Variants in C15orf39 observed in about 807,000 individuals in gnomAD.
The protein encoded by C15orf39 is PRMT2 interacting protein.
In C15orf39, 24 loss-of-function variants were observed where a neutral mutation model predicts 53.9. The observed-to-expected ratio is 0.45, with a 90% CI of 0.32 to 0.63. C15orf39 has a LOEUF of 0.63. C15orf39 is among the 20% of genes least tolerant of loss of function. The probability of loss-of-function intolerance (pLI) is 0.04; values close to 1 mark genes in which losing one functional copy is unlikely to be tolerated. For missense variants in C15orf39, 1,271 were observed against 1,347.9 expected (o/e 0.94, Z 0.89); for synonymous variants, 569 against 576.5 (o/e 0.99, Z 0.19).
chr15:75,208,724 C>T lies in C15orf39; in HGVS notation c.2676C>T (p.Cys892=). Residue 892 remains cysteine, a synonymous_variant, in exon 2 of 3, where the codon TGC becomes TGT. Coordinates refer to ENST00000394987, the MANE Select transcript of C15orf39 (RefSeq NM_015492.5). ...RALRELALPG[C]TSRMLKLLAL... Reference sequence around the variant, plus strand: ...TGCGGGAGCTCGCCCTGCCAGGCTGCACCTCACGCATGCTGAAGTTACTGG... The same window carrying T: ...TGCGGGAGCTCGCCCTGCCAGGCTGTACCTCACGCATGCTGAAGTTACTGG... 6.2e-7 allele frequency: 1 copy of T among 1,607,358 alleles called. No homozygotes were observed. The highest frequency in any genetic ancestry group is 8.5e-7 in the Non-Finnish European group (1 of 1,179,758).
chr15:75,200,034 T>G (rs570147639), upstream of C15orf39, among the ~76,000 whole-genome samples: 22 of 152,304 alleles, frequency 1.4e-4, no homozygotes, highest in East Asian at 4.0e-3. Flanking sequence ...GGGGACACTC[T>G]ATGAGCTTCC....
rs1308941373 is a variant in C15orf39, at chr15:75,206,666, C to T, written c.618C>T (p.Ser206=). 6.8e-6 allele frequency: 11 copies of T among 1,613,738 alleles called. No individual in the cohort carries two copies. Among genetic ancestry groups the T allele is most frequent in the Non-Finnish European group, 9.3e-6 (11 of 1,179,968 alleles). Residue 206 remains serine, a synonymous_variant, in exon 2 of 3, where the codon AGC becomes AGT. Transcript: ENST00000394987. ...GGTCCAGTAAAGACTCCTCAGGGAG[C>T]TTCTCCCCATGCCAGCCCTTCCTGG... ...AEGSSKDSSG[S]FSPCQPFLEK... is the part of the protein sequence containing the mutation.
rs1455048667 is a variant in C15orf39, at chr15:75,207,438, A to G, written c.1390A>G (p.Ile464Val). The G allele has an allele frequency of 3.1e-6, 5 of 1,613,316 alleles. No individual in the cohort carries two copies. The highest frequency in any genetic ancestry group is 4.2e-6 in the Non-Finnish European group (5 of 1,179,984). Residue 464 changes from isoleucine (I) to valine (V), a missense_variant, in exon 2 of 3, where the codon ATC (isoleucine) becomes GTC (valine). This residue lies in a region of C15orf39 where 994 missense variants were observed against 993.7 expected (regional missense o/e 1.00). Transcript: ENST00000394987. ...LSEHSGPPIV[I>V]RDSPVPCTPP... is the part of the protein sequence containing the mutation. The stretch of plus-strand genomic sequence containing the variant: ...TGAGCACTCTGGGCCGCCCATCGTC[A>G]TCCGAGACAGTCCAGTTCCCTGTAC...
chr15:75,210,648 A>G lies in C15orf39; in HGVS notation c.2777-101A>G, dbSNP rs562259493. 1.2e-5 allele frequency: 17 copies of G among 1,476,028 alleles called. No individual in the cohort carries two copies. In the East Asian group the frequency reaches 3.4e-4, roughly 30 times the overall value. The allele number at this position is 1,476,028 out of a possible 1,614,324, so 91.4% of individuals were successfully genotyped here. On this transcript the variant is annotated intron_variant, in intron 2 of 2. Coordinates refer to ENST00000394987, the MANE Select transcript of C15orf39 (RefSeq NM_015492.5). ...GGGGAAGAGTTGTGATGCCAGCCTG[A>G]CTTGGGGCAGAGCAGAAGCACTGTT... is the stretch of plus-strand genomic sequence containing the variant.
intron 2 of C15orf39, 26 bp from the exon 3 acceptor site, chr15:75,210,723 A>C: frequency 1.3e-6 from 2 of 1,580,870 alleles, no homozygotes; most frequent in Non-Finnish European, 8.6e-7. Context: ...TGGGGTCTGC[A>C]GGCTGACTAT....
intron 2 of C15orf39, chr15:75,209,486 T>C (rs1046957863): frequency 5.9e-5 from 9 of 152,266 alleles, no homozygotes; most frequent in African/African-American, 2.2e-4. Context: ...AGTCGCATTG[T>C]TTTGTGGTTT....
chr15:75,210,291 G>C (rs1301671162), intron 2 of C15orf39, among the ~76,000 whole-genome samples: 1 of 152,198 alleles, frequency 6.6e-6, no homozygotes, highest in African/African-American at 2.4e-5. Context: ...CCTTTGTTGT[G>C]GGTGGGTTCC....
In C15orf39 at chr15:75,206,055, G is replaced by A. The variant is rs746407054; in HGVS notation, c.7G>A (p.Glu3Lys). Residue 3 changes from glutamate (E) to lysine (K), a missense_variant, in exon 2 of 3, where the codon GAG becomes AAG. By Grantham distance (56) the Glu-to-Lys change is moderately conservative. This residue lies in a region of C15orf39 where 994 missense variants were observed against 993.7 expected (regional missense o/e 1.00). Transcript: ENST00000394987. ...GCTCGAAGCCTTCACAGCGATGGCA[G>A]AGAAGCGACCCCTGAGAACCCTGGG... is the stretch of plus-strand genomic sequence containing the variant. MAEKRPLRTLGPV... is the reference protein window; with the variant it reads MAKKRPLRTLGPV... The A allele has an allele frequency of 3.7e-6, 6 of 1,602,100 alleles. No homozygotes were observed. In the East Asian group the frequency reaches 1.4e-4, roughly 36 times the overall value.
At position 75,207,700 on chromosome 15, in the gene C15orf39, C is replaced by T; in HGVS notation, c.1652C>T (p.Thr551Ile). Residue 551 changes from threonine (T) to isoleucine (I), a missense_variant, in exon 2 of 3, where the codon ACC (threonine) becomes ATC (isoleucine). This residue lies in a region of C15orf39 where 994 missense variants were observed against 993.7 expected (regional missense o/e 1.00). Transcript: ENST00000394987. ...GGTCAGGACAAAGGCTGCAGGGGGA[C>T]CCTGCCTGCCCAGGAGGGCCCCTCA... ...SEGQDKGCRG[T>I]LPAQEGPSGS... The T allele has an allele frequency of 1.9e-6, 3 of 1,603,356 alleles. No individual in the cohort carries two copies. The highest frequency in any genetic ancestry group is 1.7e-5 in the Admixed American group (1 of 59,326).
Position 75,201,953 on chromosome 15 carries a change from C to G in C15orf39, c.-157C>G, listed in dbSNP as rs1189240342. The G allele has an allele frequency of 6.6e-6, 1 of 152,022 alleles. No homozygotes were observed. Among genetic ancestry groups the G allele is most frequent in the East Asian group, 1.9e-4 (1 of 5,192 alleles). 9.4% of individuals were successfully genotyped at this position (152,022 alleles called of 1,614,324 possible). A position where few individuals can be genotyped will look rare whatever the true frequency, so the allele number is the denominator to read the frequency against. ...CGGGCTTGGTGCTCACTGCGACTTC[C>G]CGCGCAGGGCCCGGTCGGACTAGGA... On this transcript the variant is annotated 5_prime_UTR_variant, in exon 1 of 3. Transcript: ENST00000394987. This position sits in a 1 kb window ranked among gnomAD's most constrained non-coding sequence, Gnocchi z 4.7.
intron 1 of C15orf39, among the ~76,000 whole-genome samples, chr15:75,204,466 TTTTTC>T (rs537607946): frequency 3.0e-4 from 46 of 152,262 alleles, no homozygotes; most frequent in Middle Eastern, 3.4e-3. Context: ...TCCCTGGACT[TTTTTC>T]TTTTCTTTTC....
chr15:75,206,062 G>A lies in C15orf39; in HGVS notation c.14G>A (p.Arg5Gln), dbSNP rs780644935. MAEKRPLRTLGPVMY... is the reference protein window; with the variant it reads MAEKQPLRTLGPVMY... ...GCCTTCACAGCGATGGCAGAGAAGC[G>A]ACCCCTGAGAACCCTGGGGCCTGTG... The change falls in exon 2 of 3, where the codon CGA (arginine) becomes CAA (glutamine). Residue 5 changes from arginine (R) to glutamine (Q), a missense_variant. Arg to Gln is a conservative substitution (Grantham distance 43). Transcript: ENST00000394987. The A allele has an allele frequency of 3.1e-6, 5 of 1,606,212 alleles. No individual in the cohort carries two copies. Among genetic ancestry groups the A allele is most frequent in the Admixed American group, 3.4e-5 (2 of 59,076 alleles).
chr15:75,209,042 C>A (rs2070464851), intron 2 of C15orf39: 1 of 767,794 alleles, frequency 1.3e-6, no homozygotes, highest in Non-Finnish European at 2.0e-6. Flanking sequence ...AACATGCCAG[C>A]TGCTCTGTCC....
Position 75,207,219 on chromosome 15 carries a change from T to C in C15orf39, c.1171T>C (p.Ser391Pro). The change falls in exon 2 of 3, where the codon TCC becomes CCC. Residue 391 changes from serine (S) to proline (P), a missense_variant. By Grantham distance (74) the Ser-to-Pro change is moderately conservative. Transcript: ENST00000394987. ...ARDDLSLYGA[S>P]PGLGGTPPSQ... ...GGATGACCTCTCTCTCTATGGAGCA[T>C]CCCCTGGGCTTGGAGGGACACCACC... The C allele has an allele frequency of 6.2e-7, 1 of 1,613,598 alleles. No individual in the cohort carries two copies. The highest frequency in any genetic ancestry group is 2.2e-5 in the East Asian group (1 of 44,840).
In C15orf39 at chr15:75,206,038, C is replaced by G; in HGVS notation, c.-11C>G. ...AGCAGGGGCCTAGGAGGGCTCGAAGCCTTCACAGCGATGGCAGAGAAGCGA... is the reference window on the plus strand; with the variant it reads ...AGCAGGGGCCTAGGAGGGCTCGAAGGCTTCACAGCGATGGCAGAGAAGCGA... On this transcript the variant is annotated 5_prime_UTR_variant, in exon 2 of 3. Transcript: ENST00000394987. 1.9e-6 allele frequency: 3 copies of G among 1,582,340 alleles called. No homozygotes were observed. The highest frequency in any genetic ancestry group is 2.6e-6 in the Non-Finnish European group (3 of 1,163,902).
In C15orf39 at chr15:75,201,932, C is replaced by A. The variant is rs1206134043; in HGVS notation, c.-178C>A. On this transcript the variant is annotated 5_prime_UTR_variant, in exon 1 of 3. Transcript: ENST00000394987. This position sits in a 1 kb window ranked among gnomAD's most constrained non-coding sequence, Gnocchi z 4.7. ...CGGCAGCTAGGAGGGTTGCTCCGGG[C>A]TTGGTGCTCACTGCGACTTCCCGCG... 6.6e-6 allele frequency: 1 copy of A among 151,994 alleles called. No homozygotes were observed. Among genetic ancestry groups the A allele is most frequent in the Non-Finnish European group, 1.5e-5 (1 of 67,980 alleles). The allele number at this position is 151,994 out of a possible 1,614,324, so 9.4% of individuals were successfully genotyped here. A position where few individuals can be genotyped will look rare whatever the true frequency, so the allele number is the denominator to read the frequency against.
chr15:75,210,600 TG>T, intron 2 of C15orf39, 148 bp from the exon 3 acceptor site: 1 of 1,168,082 alleles, frequency 8.6e-7, no homozygotes, highest in Non-Finnish European at 1.2e-6. Flanking sequence ...TTTGCTTGGA[TG>T]GTCTGGCCAG....
Position 75,207,912 on chromosome 15 carries a change from G to C in C15orf39, c.1864G>C (p.Asp622His), listed in dbSNP as rs201109052. Residue 622 changes from aspartate (D) to histidine (H), a missense_variant, in exon 2 of 3, where the codon GAC becomes CAC. Asp to His is a moderately conservative substitution (Grantham distance 81, BLOSUM62 -1). This residue lies in a region of C15orf39 where 994 missense variants were observed against 993.7 expected (regional missense o/e 1.00). Transcript: ENST00000394987. ...VSDLPGLKKIDTEAPGLPGVP... is the reference protein window; with the variant it reads ...VSDLPGLKKIHTEAPGLPGVP... The stretch of plus-strand genomic sequence containing the variant: ...AGATCTGCCAGGCCTGAAAAAGATA[G>C]ACACAGAAGCACCAGGCTTGCCTGG... The C allele has an allele frequency of 2.0e-5, 32 of 1,613,712 alleles. No individual in the cohort carries two copies. Among genetic ancestry groups the C allele is most frequent in the Non-Finnish European group, 2.5e-5 (30 of 1,180,022 alleles).
At chr15:75,205,914 G>A (rs950073114) in intron 1 of C15orf39, 85 bp from the exon 2 acceptor site, 18 of 907,746 alleles carry the variant, frequency 2.0e-5, no homozygotes, top group Admixed American at 2.9e-5. Context: ...AGGTGTAGCC[G>A]TGAGCTGATG....
Sources: allele counts gnomAD v4.1 joint callset (sites outside exome capture counted in the v4.1 genomes callset), GRCh38; gene constraint gnomAD v4.1.1; regional missense constraint gnomAD v4.1.1; non-coding constraint Gnocchi (gnomAD v3.1); transcripts MANE v1.5; gene names NCBI Gene and HGNC (gene_info 2026-07-23, HGNC 2026-07-21).